Variants in DENND5B observed in about 807,000 individuals in gnomAD.
DENND5B encodes DENN domain containing 5B, also known as DENN domain-containing protein 5B.
Under a neutral mutation model 140.6 loss-of-function variants are expected in DENND5B, and 34 were observed. The observed-to-expected ratio is 0.24, with a 90% CI of 0.18 to 0.32. The LOEUF (loss-of-function observed/expected upper bound fraction) is 0.32. Ranked by LOEUF, DENND5B falls within the 10% of genes least tolerant of loss-of-function variation. The probability of loss-of-function intolerance (pLI) is 1.00; values close to 1 mark genes in which losing one functional copy is unlikely to be tolerated. For synonymous variants in DENND5B, 551 were observed against 562.1 expected, an observed-to-expected ratio of 0.98 and a Z score of 0.28; for missense variants, 1,142 against 1,560.2, an observed-to-expected ratio of 0.73 and a Z score of 4.52.
chr12:31,584,129 A>C (rs1362351781), intron 1 of DENND5B, among the ~76,000 whole-genome samples: 2 of 152,208 alleles, frequency 1.3e-5, no homozygotes, highest in Non-Finnish European at 2.9e-5. Context: ...GTGGAAATAC[A>C]AGCAAAAGGA....
In DENND5B at chr12:31,383,691, C is replaced by G. The variant is rs1940730026; in HGVS notation, c.*3912G>C. Reference sequence around the variant, plus strand: ...CTGCTTTTTCCCACGTAGGACTCCACTTTATACTACTTCACACTGACTCGC... The same window carrying G: ...CTGCTTTTTCCCACGTAGGACTCCAGTTTATACTACTTCACACTGACTCGC... On this transcript the variant is annotated 3_prime_UTR_variant, in exon 21 of 21. Coordinates refer to ENST00000389082, the MANE Select transcript of DENND5B (RefSeq NM_144973.4). 6.6e-6 allele frequency: 1 copy of G among 152,174 alleles called. No homozygotes were observed. The highest frequency in any genetic ancestry group is 6.5e-5 in the Admixed American group (1 of 15,270). The allele number at this position is 152,174 out of a possible 1,614,324, so 9.4% of individuals were successfully genotyped here.
At chr12:31,462,607 T>C (rs940166144) in intron 3 of DENND5B, among the ~76,000 whole-genome samples, 3 of 152,144 alleles carry the variant, frequency 2.0e-5, no homozygotes, top group Non-Finnish European at 2.9e-5. Context: ...AATTTACTGA[T>C]AACTACTAAA....
intron 3 of DENND5B, among the ~76,000 whole-genome samples, chr12:31,466,308 G>A (rs898423059): frequency 6.6e-6 from 1 of 151,698 alleles, no homozygotes; most frequent in Admixed American, 6.6e-5. Context: ...AGACAAGATT[G>A]CAACACTGCA....
intron 6 of DENND5B, among the ~76,000 whole-genome samples, chr12:31,444,633 A>C (rs1220401882): frequency 6.6e-6 from 1 of 152,232 alleles, no homozygotes; most frequent in African/African-American, 2.4e-5. Flanking sequence ...ATCTATTTTA[A>C]TTGGAAAGAC....
intron 3 of DENND5B, among the ~76,000 whole-genome samples, chr12:31,477,352 G>A (rs531633940): frequency 6.6e-6 from 1 of 152,334 alleles, no homozygotes; most frequent in South Asian, 2.1e-4. Context: ...AAGGAAGAAA[G>A]GAAGAGAGAA....
chr12:31,433,171 T>C lies in DENND5B; in HGVS notation c.2090A>G (p.Asp697Gly). The C allele has an allele frequency of 1.2e-6, 2 of 1,613,972 alleles. No homozygotes were observed. Among genetic ancestry groups the C allele is most frequent in the Non-Finnish European group, 1.7e-6 (2 of 1,179,870 alleles). Residue 697 changes from aspartate (D) to glycine (G), a missense_variant, in exon 8 of 21, where the codon GAC becomes GGC. By Grantham distance (94) the Asp-to-Gly change is moderately conservative. Transcript: ENST00000389082. Reference protein sequence around the residue: ...LRQHSEHVGLDNDLREKYMQE... With the variant: ...LRQHSEHVGLGNDLREKYMQE... ...ACCACATACCTCCCTCAAGTCGTTG[T>C]CCAGCCCAACATGCTCAGAATGCTG...
chr12:31,557,005 G>C (rs545535119), intron 1 of DENND5B, among the ~76,000 whole-genome samples: 3 of 152,058 alleles, frequency 2.0e-5, no homozygotes, highest in Non-Finnish European at 4.4e-5. Flanking sequence ...TATAGTAAGA[G>C]AATCTGTAAA....
chr12:31,447,456 T>G, intron 6 of DENND5B, 82 bp downstream of exon 6: 1 of 1,232,666 alleles, frequency 8.1e-7, no homozygotes, highest in Non-Finnish European at 1.1e-6. Context: ...GAAAATTAAT[T>G]TTGTTGTACG....
At chr12:31,577,446 C>T (rs1172441523) in intron 1 of DENND5B, among the ~76,000 whole-genome samples, 1 of 152,110 alleles carries the variant, frequency 6.6e-6, no homozygotes, top group Non-Finnish European at 1.5e-5. Flanking sequence ...CACGGTGGCT[C>T]ACGCCTGTAA....
intron 17 of DENND5B, among the ~76,000 whole-genome samples, chr12:31,393,926 G>A (rs751183424): frequency 2.6e-5 from 4 of 151,656 alleles, no homozygotes; most frequent in African/African-American, 7.3e-5. Flanking sequence ...CTGACCTCAG[G>A]TGATCCGCCC....
chr12:31,384,653 AAT>A lies in DENND5B; in HGVS notation c.*2948_*2949del, dbSNP rs1391490445. The A allele has an allele frequency of 6.6e-6, 1 of 152,198 alleles. No homozygotes were observed. Among genetic ancestry groups the A allele is most frequent in the Non-Finnish European group, 1.5e-5 (1 of 68,034 alleles). 9.4% of individuals were successfully genotyped at this position (152,198 alleles called of 1,614,324 possible). On this transcript the variant is annotated 3_prime_UTR_variant, in exon 21 of 21. Coordinates refer to ENST00000389082, the MANE Select transcript of DENND5B (RefSeq NM_144973.4). ...TAAATCATCATTTCACCATTATAGT[AAT>A]ATTACACAAAGGCATGAAGATGAAA...
intron 1 of DENND5B, among the ~76,000 whole-genome samples, chr12:31,587,525 CCTTTTTTTTTTTTT>C (rs1565723386): frequency 1.0e-4 from 13 of 130,520 alleles, no homozygotes; most frequent in South Asian, 2.7e-4. Flanking sequence ...ACCACAAATA[CCTTTTTTTTTTTTT>C]TTTTTTTTTT....
chr12:31,435,820 C>T lies in DENND5B; in HGVS notation c.2013-2572G>A, dbSNP rs1943726383. 2.0e-5 allele frequency among the ~76,000 whole-genome samples: 3 copies of T among 152,000 alleles called. 1 individual carries two copies. The highest frequency in any genetic ancestry group is 2.0e-4 in the Admixed American group (3 of 15,246). Reference sequence around the variant, plus strand: ...GGATCACAGGTGCACACCACCACACCCGGCTAATTTTTGTATTTTTAGTAG... The same window carrying T: ...GGATCACAGGTGCACACCACCACACTCGGCTAATTTTTGTATTTTTAGTAG... On this transcript the variant is annotated intron_variant, in intron 7 of 20. Coordinates refer to ENST00000389082, the MANE Select transcript of DENND5B (RefSeq NM_144973.4).
At chr12:31,547,112 C>A (rs4482118) in intron 1 of DENND5B, among the ~76,000 whole-genome samples, 1 of 151,946 alleles carries the variant, frequency 6.6e-6, no homozygotes, top group Non-Finnish European at 1.5e-5. Context: ...CAAGTTAACA[C>A]TGAGGAACCT....
chr12:31,456,503 T>C (rs758708424), intron 4 of DENND5B, among the ~76,000 whole-genome samples: 15 of 152,228 alleles, frequency 9.9e-5, no homozygotes, highest in Non-Finnish European at 1.9e-4. Context: ...ACTTGTGTTA[T>C]TGGTATTTGT....
In DENND5B at chr12:31,479,517, C is replaced by T. The variant is rs1024677832; in HGVS notation, c.904+72G>A. ...ATCATTATTCGGTTCTAATAATATA[C>T]CCCATGGAAACACAGTAGTTGGGAG... On this transcript the variant is annotated intron_variant, in intron 3 of 20. Transcript: ENST00000389082. The T allele has an allele frequency of 6.0e-6, 8 of 1,335,036 alleles. No individual in the cohort carries two copies. The South Asian group carries it at 7.0e-5, about 12-fold the overall frequency. 82.7% of individuals were successfully genotyped at this position (1,335,036 alleles called of 1,614,324 possible). A position where few individuals can be genotyped will look rare whatever the true frequency, so the allele number is the denominator to read the frequency against.
intron 1 of DENND5B, chr12:31,534,700 T>C (rs1292316249): frequency 3.6e-6 from 1 of 275,728 alleles, no homozygotes; most frequent in Non-Finnish European, 7.5e-6. Flanking sequence ...ACACCTAAAA[T>C]TACTAGAACC....
At chr12:31,493,391 T>G (rs1166771253) in intron 2 of DENND5B, among the ~76,000 whole-genome samples, 1 of 152,146 alleles carries the variant, frequency 6.6e-6, no homozygotes, top group Non-Finnish European at 1.5e-5. Context: ...TTTAACAATA[T>G]CTTTAAAATA....
chr12:31,430,554 C>G (rs1943467280), intron 8 of DENND5B, among the ~76,000 whole-genome samples: 1 of 149,078 alleles, frequency 6.7e-6, no homozygotes, highest in Admixed American at 6.7e-5. Context: ...GCCTGTAGTC[C>G]CAGCTACTTG....
Sources: allele counts gnomAD v4.1 joint callset (sites outside exome capture counted in the v4.1 genomes callset), GRCh38; gene constraint gnomAD v4.1.1; transcripts MANE v1.5; gene names NCBI Gene and HGNC (gene_info 2026-07-23, HGNC 2026-07-21).